Variants in PCDHGA1 observed in about 807,000 individuals in gnomAD.
The protein encoded by PCDHGA1 is protocadherin gamma subfamily A, 1.
Under a neutral mutation model 58.0 loss-of-function variants are expected in PCDHGA1, and 32 were observed. That is an observed-to-expected ratio of 0.55 (90% CI 0.42 to 0.74). The LOEUF (loss-of-function observed/expected upper bound fraction) is 0.74. Among genes scored for constraint, PCDHGA1 ranks in the 30% least tolerant of loss-of-function variants. The pLI, the probability that PCDHGA1 is intolerant of heterozygous loss-of-function variation, is 0.00. For missense variants in PCDHGA1, 1,205 were observed against 1,182.3 expected (o/e 1.02, Z -0.28); for synonymous variants, 498 against 501.1 (o/e 0.99, Z 0.08).
At chr5:141,343,849 A>G (rs928968818) in intron 1 of PCDHGA1, 18 of 528,246 alleles carry the variant, frequency 3.4e-5, no homozygotes, top group South Asian at 1.1e-4. Context: ...TGCTCCTAAA[A>G]TGCAAAGAAC....
rs767225609 is a variant in PCDHGA1 at position 141,390,056 on chromosome 5, C to T, written c.2421+56951C>T. On this transcript the variant is annotated intron_variant, in intron 1 of 3. Transcript: ENST00000517417. ...CCTCCAGCCCCGCCTCCTGGAGCTG[C>T]TTCCAGCCTGGTCTCTGTGTTAAAT... 9 of 1,613,960 alleles carry T rather than the reference C, an allele frequency of 5.6e-6. No homozygotes were observed. In the Admixed American group the frequency reaches 1.3e-4, roughly 24 times the overall value.
At chr5:141,424,723 T>A (rs2096836963) in intron 1 of PCDHGA1, 2 of 152,144 alleles carry the variant, frequency 1.3e-5, no homozygotes, top group African/African-American at 4.8e-5. Context: ...TAGTTGGGAG[T>A]CATAGATTCC....
At chr5:141,500,455 C>T (rs1254764658) in intron 2 of PCDHGA1, among the ~76,000 whole-genome samples, 4 of 151,986 alleles carry the variant, frequency 2.6e-5, no homozygotes, top group Non-Finnish European at 5.9e-5. Context: ...GTGATCCGCC[C>T]GCCTCGGCCT....
chr5:141,355,170 G>A (rs200043254), intron 1 of PCDHGA1: 9 of 1,569,662 alleles, frequency 5.7e-6, no homozygotes, highest in Non-Finnish European at 2.6e-6. Flanking sequence ...AGGGAAAACC[G>A]AAGCACAGGC....
In PCDHGA1 at chr5:141,404,353, A is replaced by G. The variant is rs778714799; in HGVS notation, c.2421+71248A>G. ...TCTACCTCCCGGAAAACAACGCCAGAGGTACTTCCATCTTCTCCGTGATTG... is the reference window on the plus strand; with the variant it reads ...TCTACCTCCCGGAAAACAACGCCAGGGGTACTTCCATCTTCTCCGTGATTG... On this transcript the variant is annotated intron_variant, in intron 1 of 3. Coordinates refer to ENST00000517417, the MANE Select transcript of PCDHGA1 (RefSeq NM_018912.3). 2.0e-5 allele frequency: 33 copies of G among 1,613,948 alleles called. No individual in the cohort carries two copies. In the Admixed American group the frequency reaches 5.5e-4, roughly 27 times the overall value.
chr5:141,505,362 G>A (rs766427680), intron 2 of PCDHGA1, 31 bp from the exon 3 acceptor site: 1 of 1,613,966 alleles, frequency 6.2e-7, no homozygotes, highest in Non-Finnish European at 8.5e-7. Flanking sequence ...CGGCCTGGGA[G>A]TCTGTGCTCA....
At chr5:141,356,746 G>C in intron 1 of PCDHGA1, 1 of 1,613,970 alleles carries the variant, frequency 6.2e-7, no homozygotes, top group Non-Finnish European at 8.5e-7. Context: ...GATCCTATAT[G>C]CTCTTTGCTC....
chr5:141,350,300 G>T (rs374907617), intron 1 of PCDHGA1: 1 of 1,520,078 alleles, frequency 6.6e-7, no homozygotes, highest in Non-Finnish European at 8.8e-7. Flanking sequence ...GAAAAGTCAG[G>T]TACTGTTTCC....
rs951164053 is a variant in PCDHGA1 at position 141,366,888 on chromosome 5, T to C, written c.2421+33783T>C. On this transcript the variant is annotated intron_variant, in intron 1 of 3. Coordinates refer to ENST00000517417, the MANE Select transcript of PCDHGA1 (RefSeq NM_018912.3). ...CTGTATTGGAGATTAATTTTTTTTA[T>C]ATAATTCATGCTTTCTCCATTTGTT... is the stretch of plus-strand genomic sequence containing the variant. 3.1e-6 allele frequency: 4 copies of C among 1,273,828 alleles called. No homozygotes were observed. The Admixed American group carries it at 7.6e-5, about 24-fold the overall frequency. The allele number at this position is 1,273,828 out of a possible 1,614,324, so 78.9% of individuals were successfully genotyped here. A position where few individuals can be genotyped will look rare whatever the true frequency, so the allele number is the denominator to read the frequency against.
chr5:141,381,257 C>G (rs1284591781), intron 1 of PCDHGA1, among the ~76,000 whole-genome samples: 1 of 152,248 alleles, frequency 6.6e-6, no homozygotes, highest in Non-Finnish European at 1.5e-5. Flanking sequence ...GAAGAATTTA[C>G]AAACCAAGAC....
In PCDHGA1 at chr5:141,365,423, G is replaced by A. The variant is rs182594355; in HGVS notation, c.2421+32318G>A. ...CTCTGAAGACTGTCTTCCCGGAACT[G>A]TAATCGCGCTGTTTAGCGTACATGA... On this transcript the variant is annotated intron_variant, in intron 1 of 3. Coordinates refer to ENST00000517417, the MANE Select transcript of PCDHGA1 (RefSeq NM_018912.3). 180 of 1,614,018 alleles carry A rather than the reference G, an allele frequency of 1.1e-4. No individual in the cohort carries two copies. In the East Asian group the frequency reaches 2.5e-3, roughly 23 times the overall value.
At chr5:141,422,209 C>G (rs1463323983) in intron 1 of PCDHGA1, 1 of 1,561,666 alleles carries the variant, frequency 6.4e-7, no homozygotes, top group East Asian at 2.2e-5. Context: ...TGGTGGAGGT[C>G]TCTTTACCAC....
chr5:141,362,460 TC>T (rs755603775), intron 1 of PCDHGA1: 4 of 1,614,026 alleles, frequency 2.5e-6, no homozygotes, highest in Non-Finnish European at 3.4e-6. Context: ...CGGAATTGGT[TC>T]CCGCGCAAGA....
chr5:141,440,393 G>A (rs1444541990), intron 1 of PCDHGA1: 1 of 152,180 alleles, frequency 6.6e-6, no homozygotes, highest in Admixed American at 6.5e-5. Flanking sequence ...TTGAACCCGA[G>A]AGGCAATCGC....
At chr5:141,484,598 T>C (rs2099598059) in intron 1 of PCDHGA1, among the ~76,000 whole-genome samples, 1 of 152,080 alleles carries the variant, frequency 6.6e-6, no homozygotes, top group Non-Finnish European at 1.5e-5. Flanking sequence ...TCATTTAGAA[T>C]ACTGGTTGAT....
chr5:141,358,450 A>G (rs62378416), intron 1 of PCDHGA1, among the ~76,000 whole-genome samples: 4,507 of 152,282 alleles, frequency 0.03, 78 homozygotes, highest in Middle Eastern at 0.088. Flanking sequence ...ACGTCAATTT[A>G]AGAATACTGG....
At chr5:141,362,367 T>A in intron 1 of PCDHGA1, 1 of 1,614,012 alleles carries the variant, frequency 6.2e-7, no homozygotes, top group Non-Finnish European at 8.5e-7. Context: ...CCAATTACAG[T>A]GAGGGTACAT....
chr5:141,383,239 A>T, intron 1 of PCDHGA1: 1 of 1,613,966 alleles, frequency 6.2e-7, no homozygotes, highest in South Asian at 1.1e-5. Flanking sequence ...GGAAGATAAA[A>T]TGAATCTTTA....
intron 1 of PCDHGA1, chr5:141,345,465 G>T: frequency 6.2e-7 from 1 of 1,614,000 alleles, no homozygotes; most frequent in Non-Finnish European, 8.5e-7. Context: ...GACAGCCCAG[G>T]ACCCAGATAG....
Sources: gnomAD v4.1 joint callset for allele counts (sites outside exome capture counted in the v4.1 genomes callset) on GRCh38, gnomAD v4.1.1 for gene constraint, MANE v1.5 for transcripts, NCBI Gene and HGNC (gene_info 2026-07-23, HGNC 2026-07-21) for gene names.